Variants in TFAP2D observed in about 807,000 individuals in gnomAD.
TFAP2D encodes transcription factor AP-2 delta.
Under a neutral mutation model 43.6 loss-of-function variants are expected in TFAP2D, and 9 were observed. The observed-to-expected ratio is 0.21, with a 90% CI of 0.12 to 0.36. The LOEUF is 0.36. Among genes scored for constraint, TFAP2D ranks in the 10% least tolerant of loss-of-function variants. The probability of loss-of-function intolerance (pLI) is 1.00; values close to 1 mark genes in which losing one functional copy is unlikely to be tolerated. For missense variants in TFAP2D, 513 were observed against 561.4 expected (o/e 0.91, Z 0.87); for synonymous variants, 256 against 224.9 (o/e 1.14, Z -1.24).
rs189575713 is a variant in TFAP2D, at chr6:50,752,287, G to T, written c.1139+963G>T. 2.1e-3 allele frequency among the ~76,000 whole-genome samples: 315 copies of T among 151,920 alleles called. 5 individuals carry two copies. The highest frequency in any genetic ancestry group is 8.2e-4 in the Non-Finnish European group (56 of 67,890). On this transcript the variant is annotated intron_variant, in intron 7 of 7. Transcript: ENST00000008391. ...AATTTCATTTTCTGATGTGTTTTTG[G>T]AATGAAGAAAATATTTATCTGGTTA... is the stretch of plus-strand genomic sequence containing the variant.
At chr6:50,725,784 C>T (rs560959167) in intron 3 of TFAP2D, among the ~76,000 whole-genome samples, 2 of 152,212 alleles carry the variant, frequency 1.3e-5, no homozygotes, top group South Asian at 4.2e-4. Flanking sequence ...CTACTTTTTT[C>T]CACCTCTCTA....
rs867559670 is a variant in TFAP2D at position 50,757,488 on chromosome 6, T to G, written c.1139+6164T>G. Among the ~76,000 whole-genome samples the G allele has an allele frequency of 1.1e-4, 11 of 98,850 alleles. No homozygotes were observed. The East Asian group carries it at 1.3e-3, about 11-fold the overall frequency. 64.8% of individuals were successfully genotyped at this position (98,850 alleles called of 152,430 possible). On this transcript the variant is annotated intron_variant, in intron 7 of 7. Transcript: ENST00000008391. Reference sequence around the variant, plus strand: ...AATATATATAATTATTCTATATATATATAATATATATAATTATTCTATATA... The same window carrying G: ...AATATATATAATTATTCTATATATAGATAATATATATAATTATTCTATATA...
At chr6:50,770,495 G>T (rs1769511678) in intron 7 of TFAP2D, among the ~76,000 whole-genome samples, 1 of 152,016 alleles carries the variant, frequency 6.6e-6, no homozygotes, top group South Asian at 2.1e-4. Context: ...AATAATGAGG[G>T]ACATGCAGAA....
intron 3 of TFAP2D, among the ~76,000 whole-genome samples, chr6:50,726,470 T>C (rs1313868701): frequency 2.6e-5 from 4 of 152,254 alleles, no homozygotes; most frequent in Admixed American, 2.0e-4. Context: ...ATTTGTATAC[T>C]GGCTAGTATG....
At chr6:50,727,185 A>C (rs890843954) in intron 3 of TFAP2D, among the ~76,000 whole-genome samples, 7 of 152,166 alleles carry the variant, frequency 4.6e-5, no homozygotes, top group African/African-American at 1.4e-4. Flanking sequence ...AGGGAGAAAG[A>C]TCTTGGTCTC....
chr6:50,754,638 C>T (rs1282207050), intron 7 of TFAP2D, among the ~76,000 whole-genome samples: 1 of 151,818 alleles, frequency 6.6e-6, no homozygotes, highest in African/African-American at 2.4e-5. Context: ...TACGGGGTGT[C>T]TATTTCTCCA....
chr6:50,718,718 T>C (rs1409120737), intron 2 of TFAP2D, among the ~76,000 whole-genome samples: 1 of 152,190 alleles, frequency 6.6e-6, no homozygotes, highest in Non-Finnish European at 1.5e-5. Flanking sequence ...CTTGACACTC[T>C]AGGTGTAATT....
intron 7 of TFAP2D, among the ~76,000 whole-genome samples, chr6:50,755,557 G>A (rs1213615039): frequency 2.6e-5 from 4 of 151,912 alleles, no homozygotes; most frequent in African/African-American, 9.7e-5. Flanking sequence ...CTGATAGGTA[G>A]GTTTAAGAAC....
At chr6:50,718,879 A>G (rs1205799476) in intron 2 of TFAP2D, among the ~76,000 whole-genome samples, 1 of 152,170 alleles carries the variant, frequency 6.6e-6, no homozygotes, top group East Asian at 1.9e-4. Context: ...TAAAATGCAT[A>G]CCTTAAGATT....
chr6:50,758,866 C>A, intron 7 of TFAP2D, among the ~76,000 whole-genome samples: 1 of 151,950 alleles, frequency 6.6e-6, no homozygotes, highest in South Asian at 2.1e-4. Context: ...TAGGGGAGAT[C>A]TTCCTTGCTA....
chr6:50,732,019 T>G (rs1223213242), intron 5 of TFAP2D, among the ~76,000 whole-genome samples: 1 of 152,122 alleles, frequency 6.6e-6, no homozygotes, highest in African/African-American at 2.4e-5. Flanking sequence ...TGTATGAATT[T>G]CACCATACTT....
intron 3 of TFAP2D, among the ~76,000 whole-genome samples, chr6:50,724,227 G>T (rs867243486): frequency 1.3e-4 from 20 of 152,154 alleles, no homozygotes; most frequent in South Asian, 4.2e-4. Flanking sequence ...AAATGCAACC[G>T]CAGAACAAAC....
At chr6:50,747,265 C>A (rs1318850228) in intron 6 of TFAP2D, among the ~76,000 whole-genome samples, 1 of 151,982 alleles carries the variant, frequency 6.6e-6, no homozygotes, top group African/African-American at 2.4e-5. Context: ...AGTTTGAATC[C>A]TTTGCATTAC....
chr6:50,768,219 T>A (rs9296638), intron 7 of TFAP2D, among the ~76,000 whole-genome samples: 43,742 of 148,518 alleles, frequency 0.29, 6,590 homozygotes, highest in East Asian at 0.41. Flanking sequence ...AGTCTTATTT[T>A]TTTTTTTTTT....
intron 5 of TFAP2D, among the ~76,000 whole-genome samples, chr6:50,734,809 T>G (rs1768941174): frequency 6.6e-6 from 1 of 152,118 alleles, no homozygotes; most frequent in African/African-American, 2.4e-5. Flanking sequence ...AGATAAAAAT[T>G]TTATGGTCTG....
chr6:50,753,282 C>G (rs1034098191), intron 7 of TFAP2D, among the ~76,000 whole-genome samples: 1 of 151,884 alleles, frequency 6.6e-6, no homozygotes. Flanking sequence ...GATGCTGAGG[C>G]CTTCATCAGA....
intron 6 of TFAP2D, among the ~76,000 whole-genome samples, chr6:50,750,063 T>G (rs1769180380): frequency 6.6e-6 from 1 of 151,906 alleles, no homozygotes; most frequent in Admixed American, 6.6e-5. Flanking sequence ...TTCAATAAAT[T>G]TTAGATACCT....
chr6:50,738,055 A>G (rs574228094), intron 5 of TFAP2D, among the ~76,000 whole-genome samples: 4 of 152,294 alleles, frequency 2.6e-5, no homozygotes, highest in African/African-American at 9.6e-5. Flanking sequence ...AAGCATTGAC[A>G]TTATAGTACT....
At chr6:50,714,628 G>T (rs1018922457) in intron 1 of TFAP2D, among the ~76,000 whole-genome samples, 5 of 152,126 alleles carry the variant, frequency 3.3e-5, no homozygotes, top group Non-Finnish European at 7.3e-5. Context: ...AGCCCGGGCC[G>T]AACATCTCGG....
Sources: gnomAD v4.1 joint callset for allele counts (sites outside exome capture counted in the v4.1 genomes callset) on GRCh38, gnomAD v4.1.1 for gene constraint, MANE v1.5 for transcripts, NCBI Gene and HGNC (gene_info 2026-07-23, HGNC 2026-07-21) for gene names.